The following ROR1 variants were observed in gnomAD, a reference collection of about 807,000 sequenced individuals.
The protein encoded by ROR1 is ROR family WNT receptor 1.
Under a neutral mutation model 78.8 loss-of-function variants are expected in ROR1, and 19 were observed. The observed-to-expected ratio is 0.24, with a 90% confidence interval of 0.17 to 0.35. The LOEUF is 0.35. Among genes scored for constraint, ROR1 ranks in the 10% least tolerant of loss-of-function variants. ROR1 has a pLI of 1.00. For missense variants in ROR1, 917 were observed against 1,177.8 expected (o/e 0.78, Z 3.24); for synonymous variants, 386 against 433.6 (o/e 0.89, Z 1.36).
chr1:63,901,382 C>G (rs1645484302), intron 1 of ROR1, among the ~76,000 whole-genome samples: 1 of 152,104 alleles, frequency 6.6e-6, no homozygotes, highest in African/African-American at 2.4e-5. Context: ...TCCCCATTAT[C>G]CCCAGTTTAC....
intron 1 of ROR1, among the ~76,000 whole-genome samples, chr1:63,900,542 G>C (rs920742071): frequency 6.6e-6 from 1 of 151,946 alleles, no homozygotes; most frequent in Non-Finnish European, 1.5e-5. Flanking sequence ...AAGCCTGTGA[G>C]GTGCCTTAGA....
intron 4 of ROR1, among the ~76,000 whole-genome samples, chr1:64,104,814 G>A (rs1187085584): frequency 6.6e-6 from 1 of 152,192 alleles, no homozygotes; most frequent in East Asian, 1.9e-4. Context: ...TGGCTGCATA[G>A]TATTCCATGG....
At chr1:63,819,554 G>A (rs904276740) in intron 1 of ROR1, among the ~76,000 whole-genome samples, 5 of 152,144 alleles carry the variant, frequency 3.3e-5, no homozygotes, top group Non-Finnish European at 7.4e-5. Flanking sequence ...ATTAGAAAAT[G>A]TAATATTCCT....
intron 1 of ROR1, among the ~76,000 whole-genome samples, chr1:63,899,394 T>C (rs1645466847): frequency 6.6e-6 from 1 of 152,184 alleles, no homozygotes; most frequent in African/African-American, 2.4e-5. Context: ...TTTCTTTCCT[T>C]TTGTGCCTTT....
At chr1:64,176,943 A>G (rs1439688975) in intron 8 of ROR1, among the ~76,000 whole-genome samples, 1 of 152,260 alleles carries the variant, frequency 6.6e-6, no homozygotes, top group East Asian at 1.9e-4. Context: ...CACACAGAGA[A>G]GTAGCAAGGG....
intron 2 of ROR1, among the ~76,000 whole-genome samples, chr1:64,014,734 C>A (rs1187133707): frequency 9.2e-5 from 1 of 10,928 alleles, no homozygotes; most frequent in African/African-American, 1.9e-4. Flanking sequence ...TATACACATA[C>A]GCACACTATA....
chr1:63,841,618 G>A (rs193290127), intron 1 of ROR1, among the ~76,000 whole-genome samples: 12 of 152,304 alleles, frequency 7.9e-5, no homozygotes, highest in Admixed American at 5.2e-4. Flanking sequence ...TTGAGACTCT[G>A]ATTTGAGAAA....
intron 1 of ROR1, among the ~76,000 whole-genome samples, chr1:63,969,759 C>T (rs532756373): frequency 3.3e-5 from 5 of 152,192 alleles, no homozygotes; most frequent in African/African-American, 1.2e-4. Context: ...TTTAATCTAA[C>T]CACTACCTCT....
At chr1:63,843,358 G>T in intron 1 of ROR1, 1 of 897,738 alleles carries the variant, frequency 1.1e-6, no homozygotes, top group South Asian at 1.3e-5. Context: ...TTGCTTTTAA[G>T]GGGAGCAGAC....
intron 1 of ROR1, among the ~76,000 whole-genome samples, chr1:63,961,962 T>C (rs1646032994): frequency 6.6e-6 from 1 of 152,228 alleles, no homozygotes; most frequent in South Asian, 2.1e-4. Flanking sequence ...CTCATAAATA[T>C]GTACAATTAT....
At chr1:64,092,748 G>A (rs1245561824) in intron 4 of ROR1, among the ~76,000 whole-genome samples, 1 of 152,198 alleles carries the variant, frequency 6.6e-6, no homozygotes, top group Non-Finnish European at 1.5e-5. Flanking sequence ...AATTATCTGT[G>A]TGTGATCTTC....
At position 64,065,566 on chromosome 1, in the gene ROR1, C is replaced by G. The variant is rs192365079; in HGVS notation, c.482+14850C>G. Among the ~76,000 whole-genome samples, 389 of 152,278 alleles carry G rather than the reference C, an allele frequency of 2.6e-3. 1 individual carries two copies. Among genetic ancestry groups the G allele is most frequent in the Middle Eastern group, 0.01 (3 of 292 alleles). ...CTAAAACTGGGTTGCACAGGGCACT[C>G]TATCTCCAGGTCTTGAAGGTTTACT... On this transcript the variant is annotated intron_variant, in intron 4 of 8. Transcript: ENST00000371079.
intron 4 of ROR1, among the ~76,000 whole-genome samples, chr1:64,091,295 G>T (rs1389478245): frequency 6.6e-6 from 1 of 152,132 alleles, no homozygotes; most frequent in African/African-American, 2.4e-5. Context: ...AATACAGATT[G>T]TGCCCAGCCT....
intron 1 of ROR1, among the ~76,000 whole-genome samples, chr1:63,990,944 A>G (rs936390795): frequency 6.6e-6 from 1 of 152,188 alleles, no homozygotes; most frequent in Non-Finnish European, 1.5e-5. Context: ...TCTGTCTTTT[A>G]AAAATTGTTT....
chr1:64,017,841 T>C (rs1646533602), intron 2 of ROR1, among the ~76,000 whole-genome samples: 3 of 152,208 alleles, frequency 2.0e-5, no homozygotes, highest in Non-Finnish European at 4.4e-5. Flanking sequence ...TTTTACCATT[T>C]AGAATGAGGA....
At chr1:63,891,714 G>C (rs923016279) in intron 1 of ROR1, among the ~76,000 whole-genome samples, 3 of 152,126 alleles carry the variant, frequency 2.0e-5, no homozygotes, top group Non-Finnish European at 4.4e-5. Flanking sequence ...TGGAAGATGG[G>C]TGAATTTGAT....
intron 1 of ROR1, among the ~76,000 whole-genome samples, chr1:63,794,227 CTGTAAAAAT>C (rs1644744798): frequency 6.6e-6 from 1 of 152,204 alleles, no homozygotes; most frequent in African/African-American, 2.4e-5. Flanking sequence ...GTTTCCCCAT[CTGTAAAAAT>C]TGGGGTACTA....
chr1:63,916,686 T>C (rs1402945490), intron 1 of ROR1, among the ~76,000 whole-genome samples: 1 of 152,200 alleles, frequency 6.6e-6, no homozygotes, highest in Non-Finnish European at 1.5e-5. Context: ...CACCTCCTGA[T>C]GTGAGACCTC....
intron 8 of ROR1, among the ~76,000 whole-genome samples, chr1:64,167,203 G>A (rs1027136910): frequency 6.6e-6 from 1 of 152,170 alleles, no homozygotes; most frequent in Non-Finnish European, 1.5e-5. Context: ...TTATGAGCAC[G>A]TGATGGCTCA....
Sources: gnomAD v4.1 joint callset for allele counts (sites outside exome capture counted in the v4.1 genomes callset) on GRCh38, gnomAD v4.1.1 for gene constraint, MANE v1.5 for transcripts, NCBI Gene and HGNC (gene_info 2026-07-23, HGNC 2026-07-21) for gene names.